The following NEB variants were observed in gnomAD, a reference collection of about 807,000 sequenced individuals.
The protein encoded by NEB is nebulin.
NEB carries 512 observed loss-of-function variants against 952.2 expected under a neutral mutation model. The ratio of observed to expected loss-of-function variants is 0.54; its 90% CI spans 0.50 to 0.58. The LOEUF is 0.58. Ranked by LOEUF, NEB falls within the 20% of genes least tolerant of loss-of-function variation. The pLI is 0.00. For synonymous variants in NEB, 2,900 were observed against 3,149.8 expected (o/e 0.92, Z 2.66); for missense variants, 8,428 against 9,231.1 (o/e 0.91, Z 3.56).
intron 158 of NEB, 56 bp downstream of exon 158, chr2:151,514,761 TG>T: frequency 8.4e-7 from 1 of 1,194,450 alleles, no homozygotes; most frequent in Non-Finnish European, 1.2e-6. Context: ...CATTAATGAG[TG>T]TCACTAGTGC....
At chr2:151,698,100 A>C (rs1014700315) in intron 13 of NEB, among the ~76,000 whole-genome samples, 1 of 140,860 alleles carries the variant, frequency 7.1e-6, no homozygotes, top group South Asian at 2.4e-4. Context: ...CAAAACAAAA[A>C]GAAAAAAACC....
chr2:151,701,670 TC>T, intron 13 of NEB, among the ~76,000 whole-genome samples: 1 of 151,398 alleles, frequency 6.6e-6, no homozygotes, highest in East Asian at 1.9e-4. Flanking sequence ...TTTGTAGTAT[TC>T]TTTGATGGTA....
intron 124 of NEB, among the ~76,000 whole-genome samples, chr2:151,556,582 C>T (rs1260062694): frequency 6.6e-6 from 1 of 152,082 alleles, no homozygotes; most frequent in East Asian, 1.9e-4. Context: ...TTTACACAGA[C>T]TTTAAACCAA....
chr2:151,529,405 A>G (rs931720866), intron 145 of NEB, 91 bp from the exon 146 acceptor site: 7 of 812,816 alleles, frequency 8.6e-6, no homozygotes, highest in African/African-American at 3.4e-5. Context: ...ATGCATGACT[A>G]TAGTACACAA....
At chr2:151,486,597 C>T (rs1167895434) in intron 181 of NEB, 1 of 152,216 alleles carries the variant, frequency 6.6e-6, no homozygotes, top group Admixed American at 6.5e-5. Flanking sequence ...GTGGAAACAA[C>T]TTAAATGCCC....
Position 151,729,794 on chromosome 2 carries a change from C to G in NEB, c.37-138G>C. On this transcript the variant is annotated intron_variant, in intron 3 of 181. Transcript: ENST00000397345. Reference sequence around the variant, plus strand: ...TGTGGGAAAGGGGTAGGTGAGGGAGCCTGTTCATATTTTGGAACCCATCTT... The same window carrying G: ...TGTGGGAAAGGGGTAGGTGAGGGAGGCTGTTCATATTTTGGAACCCATCTT... 6 of 854,300 alleles carry G rather than the reference C, an allele frequency of 7.0e-6. 1 individual carries two copies. The South Asian group carries it at 8.6e-5, about 12-fold the overall frequency. The allele number at this position is 854,300 out of a possible 1,614,324, so 52.9% of individuals were successfully genotyped here. A position where few individuals can be genotyped will look rare whatever the true frequency, so the allele number is the denominator to read the frequency against.
rs774631406 is a variant in NEB, at chr2:151,640,046, A to G, written c.8700T>C (p.Ser2900=). 1 of 1,613,476 alleles carries G rather than the reference A, an allele frequency of 6.2e-7. No individual in the cohort carries two copies. Among genetic ancestry groups the G allele is most frequent in the Non-Finnish European group, 8.5e-7 (1 of 1,179,400 alleles). ...CAATGCCTCTCATCCACTGGAGATCAGACTTGTACATATTCTGTTGACACA... is the reference window on the plus strand; with the variant it reads ...CAATGCCTCTCATCCACTGGAGATCGGACTTGTACATATTCTGTTGACACA... ...YDLQSDNMYK[S]DLQWMRGIGW... is the part of the protein sequence containing the mutation. The change falls in exon 62 of 182, where the codon TCT becomes TCC. Residue 2900 remains serine, a synonymous_variant. Transcript: ENST00000397345.
rs369688367 is a variant in NEB, at chr2:151,576,280, T to C, written c.16779A>G (p.Arg5593=). The C allele has an allele frequency of 2.2e-5, 36 of 1,610,838 alleles. No individual in the cohort carries two copies. Among genetic ancestry groups the C allele is most frequent in the African/African-American group, 5.4e-5 (4 of 74,598 alleles). The stretch of plus-strand genomic sequence containing the variant: ...AAAAGATATTCTGGGCGTTTTTGAC[T>C]CTCAACACTTCAGGAGACCCTTGGG... ...WMPQGSPEVL[R]VKNAQNIFCD... is the part of the protein sequence containing the mutation. Residue 5593 remains arginine (R), a synonymous_variant, in exon 106 of 182, where the codon AGA becomes AGG. Coordinates refer to ENST00000397345, the MANE Select transcript of NEB (RefSeq NM_001164508.2).
intron 147 of NEB, 80 bp downstream of exon 147, chr2:151,527,401 G>A (rs1213428753): frequency 9.0e-7 from 1 of 1,108,294 alleles, no homozygotes; most frequent in Non-Finnish European, 1.3e-6. Flanking sequence ...ACTCATGATA[G>A]TGGTTATTAT....
At position 151,563,537 on chromosome 2, in the gene NEB, T is replaced by C. The variant is rs1267582480; in HGVS notation, c.18693+69A>G. ...AGCTAACCTGAACCAAAGGGCAAGT[T>C]ATAAACAGGCAGACACGGCAGCACA... On this transcript the variant is annotated intron_variant, in intron 119 of 181. Transcript: ENST00000397345. 4.4e-6 allele frequency: 6 copies of C among 1,374,030 alleles called. No homozygotes were observed. In the Admixed American group the frequency reaches 1.0e-4, roughly 23 times the overall value. 85.1% of individuals were successfully genotyped at this position (1,374,030 alleles called of 1,614,324 possible). A position where few individuals can be genotyped will look rare whatever the true frequency, so the allele number is the denominator to read the frequency against.
At chr2:151,517,458 G>T (rs1322318938) in intron 156 of NEB, among the ~76,000 whole-genome samples, 1 of 152,204 alleles carries the variant, frequency 6.6e-6, no homozygotes, top group East Asian at 1.9e-4. Context: ...TGCTGAATTT[G>T]TGATATAGGA....
chr2:151,611,462 T>C (rs981924660), intron 78 of NEB, among the ~76,000 whole-genome samples: 10 of 152,190 alleles, frequency 6.6e-5, no homozygotes, highest in Admixed American at 1.3e-4. Flanking sequence ...TCTAGAGTTG[T>C]ATACCCCAGA....
chr2:151,554,344 T>C (rs776642793), intron 125 of NEB, among the ~76,000 whole-genome samples: 1 of 151,874 alleles, frequency 6.6e-6, no homozygotes, highest in Non-Finnish European at 1.5e-5. Flanking sequence ...GAGAATTGCT[T>C]GAGCCCAGGA....
rs2099105642 is a variant in NEB, at chr2:151,658,065, T to C, written c.6101A>G (p.Glu2034Gly). The change falls in exon 48 of 182, where the codon GAG becomes GGG. Residue 2034 changes from glutamate to glycine, a missense_variant. By Grantham distance (98) the Glu-to-Gly change is moderately conservative (BLOSUM62 -2). Around this residue, in one of 11 missense-constraint regions of NEB, gnomAD observed 2,851 missense variants for 2,791.5 expected, o/e 1.02. Coordinates refer to ENST00000397345, the MANE Select transcript of NEB (RefSeq NM_001164508.2). ...SDKLYKLSLE[E>G]SKKKGYDLRP... ...GAGATCATAGCCTTTCTTTTTAGAC[T>C]CTTCCAAGGAAAGTTTGTAGAGTTT... The C allele has an allele frequency of 5.0e-6, 8 of 1,607,070 alleles. No homozygotes were observed. Among genetic ancestry groups the C allele is most frequent in the Non-Finnish European group, 6.8e-6 (8 of 1,175,510 alleles).
At chr2:151,629,150 C>G (rs1397248273) in intron 68 of NEB, among the ~76,000 whole-genome samples, 1 of 152,118 alleles carries the variant, frequency 6.6e-6, no homozygotes, top group African/African-American at 2.4e-5. Context: ...TCTATCAGCT[C>G]TTCTTCTGAT....
intron 64 of NEB, among the ~76,000 whole-genome samples, chr2:151,634,617 G>A (rs2098722281): frequency 6.6e-6 from 1 of 151,988 alleles, no homozygotes; most frequent in African/African-American, 2.4e-5. Context: ...ACTCCAGCCT[G>A]GGTGACAGCA....
At position 151,549,744 on chromosome 2, in the gene NEB, C is replaced by T; in HGVS notation, c.19945-4G>A. 2 of 1,553,716 alleles carry T rather than the reference C, an allele frequency of 1.3e-6. No individual in the cohort carries two copies. Among genetic ancestry groups the T allele is most frequent in the Non-Finnish European group, 1.8e-6 (2 of 1,140,674 alleles). Reference sequence around the variant, plus strand: ...GCAGGCTGGTTTTGTATAGATTCTGCAGGAATGAGGAAGAGCAGGTTAAAT... The same window carrying T: ...GCAGGCTGGTTTTGTATAGATTCTGTAGGAATGAGGAAGAGCAGGTTAAAT... On this transcript the variant is annotated splice_polypyrimidine_tract_variant and splice_region_variant and intron_variant, in intron 129 of 181. Transcript: ENST00000397345.
rs772552779 is a variant in NEB, at chr2:151,547,480, T to C, written c.20316A>G (p.Pro6772=). 4.5e-5 allele frequency: 73 copies of C among 1,607,986 alleles called. No individual in the cohort carries two copies. Among genetic ancestry groups the C allele is most frequent in the Non-Finnish European group, 5.9e-5 (70 of 1,177,430 alleles). Residue 6772 remains proline (P), a synonymous_variant, in exon 133 of 182, where the codon CCA becomes CCG. Transcript: ENST00000397345. ...GGCAATGGATCACTTGGGGTGTGTA[T>C]GGCAGAGAGATCATGTGGCCCTGCA... ...FKMQGHMISL[P]YTPQVIHCRY...
intron 10 of NEB, among the ~76,000 whole-genome samples, chr2:151,716,971 G>A (rs2150331611): frequency 6.6e-6 from 1 of 152,304 alleles, no homozygotes; most frequent in African/African-American, 2.4e-5. Context: ...AAGTTATGAG[G>A]TCCACTGCCC....
Sources: gnomAD v4.1 joint callset for allele counts (sites outside exome capture counted in the v4.1 genomes callset) on GRCh38, gnomAD v4.1.1 for gene constraint, gnomAD v4.1.1 regional missense constraint, MANE v1.5 for transcripts, NCBI Gene and HGNC (gene_info 2026-07-23, HGNC 2026-07-21) for gene names.